Variants in MLLT3 observed in about 807,000 individuals in gnomAD.
MLLT3 encodes protein AF-9.
A neutral mutation model predicts 53.2 loss-of-function variants in MLLT3; 4 were observed. The observed-to-expected ratio is 0.08, with a 90% CI of 0.04 to 0.17. The LOEUF (loss-of-function observed/expected upper bound fraction) is 0.17. Among genes scored for constraint, MLLT3 ranks in the 10% least tolerant of loss-of-function variants. The pLI is 1.00. For missense variants in MLLT3, 569 were observed against 684.0 expected (o/e 0.83, Z 1.87); for synonymous variants, 283 against 230.6 (o/e 1.23, Z -2.06).
At chr9:20,357,667 C>G (rs555822537) in intron 8 of MLLT3, among the ~76,000 whole-genome samples, 60 of 152,286 alleles carry the variant, frequency 3.9e-4, no homozygotes, top group African/African-American at 1.3e-3. Flanking sequence ...ACGTGTGACT[C>G]TATGTTCACT....
At chr9:20,463,518 T>C (rs1484409794) in intron 2 of MLLT3, among the ~76,000 whole-genome samples, 1 of 152,180 alleles carries the variant, frequency 6.6e-6, no homozygotes, top group Admixed American at 6.5e-5. Flanking sequence ...TATTATTAAT[T>C]GCTAGGAAAT....
chr9:20,535,531 G>C (rs528412566), intron 2 of MLLT3, among the ~76,000 whole-genome samples: 1 of 152,148 alleles, frequency 6.6e-6, no homozygotes, highest in East Asian at 1.9e-4. Flanking sequence ...AAGAAAAAAG[G>C]AAATGCGCAA....
At chr9:20,378,691 G>A (rs1462215332) in intron 5 of MLLT3, among the ~76,000 whole-genome samples, 1 of 151,950 alleles carries the variant, frequency 6.6e-6, no homozygotes. Context: ...CAGTCTAAAT[G>A]TGCTATACTT....
At chr9:20,354,337 G>C (rs751391431) in intron 9 of MLLT3, among the ~76,000 whole-genome samples, 6 of 152,224 alleles carry the variant, frequency 3.9e-5, no homozygotes, top group East Asian at 1.9e-4. Flanking sequence ...TGAAAGATTT[G>C]TGAAACATTA....
chr9:20,621,353 G>C lies in MLLT3; in HGVS notation c.13-519C>G, dbSNP rs1430252720. Among the ~76,000 whole-genome samples the C allele has an allele frequency of 1.3e-5, 2 of 152,054 alleles. No individual in the cohort carries two copies. Among genetic ancestry groups the C allele is most frequent in the Non-Finnish European group, 2.9e-5 (2 of 67,988 alleles). On this transcript the variant is annotated intron_variant, in intron 1 of 10. Coordinates refer to ENST00000380338, the MANE Select transcript of MLLT3 (RefSeq NM_004529.4). The surrounding 1 kb of genome is among the most constrained non-coding windows in gnomAD (Gnocchi z 7.0). ...GTGGAGCGCTGTGCCAGGCGAAATGGAAACTACAGGCAGCCTCTGCTGATG... is the reference window on the plus strand; with the variant it reads ...GTGGAGCGCTGTGCCAGGCGAAATGCAAACTACAGGCAGCCTCTGCTGATG...
chr9:20,517,494 G>A (rs896314378), intron 2 of MLLT3, among the ~76,000 whole-genome samples: 3 of 151,852 alleles, frequency 2.0e-5, no homozygotes, highest in East Asian at 3.9e-4. Context: ...CCCAAGATAA[G>A]GGCAGTGAAA....
chr9:20,601,146 A>ACAGT (rs2308293), intron 2 of MLLT3, among the ~76,000 whole-genome samples: 130,761 of 151,790 alleles, frequency 0.86, 56,732 homozygotes, highest in African/African-American at 0.96. Context: ...CATTCTGGAA[A>ACAGT]CAAACTTCAC....
intron 2 of MLLT3, among the ~76,000 whole-genome samples, chr9:20,477,508 AACC>A (rs1824554102): frequency 6.6e-6 from 1 of 152,122 alleles, no homozygotes; most frequent in Non-Finnish European, 1.5e-5. Flanking sequence ...TGAAGCTGAC[AACC>A]TATCACCTTT....
rs746773086 is a variant in MLLT3, at chr9:20,341,814, G to C, written c.*4629C>G. 3.4e-5 allele frequency: 7 copies of C among 203,078 alleles called. No individual in the cohort carries two copies. The highest frequency in any genetic ancestry group is 5.0e-5 in the Non-Finnish European group (5 of 99,180). The allele number at this position is 203,078 out of a possible 1,614,324, so 12.6% of individuals were successfully genotyped here. A position where few individuals can be genotyped will look rare whatever the true frequency, so the allele number is the denominator to read the frequency against. On this transcript the variant is annotated 3_prime_UTR_variant, in exon 11 of 11. Coordinates refer to ENST00000380338, the MANE Select transcript of MLLT3 (RefSeq NM_004529.4). ...TCTCTGGCTATAGCACATTGTTTCT[G>C]AACAAAACCCTCCAAAGAAATAGGG...
chr9:20,406,397 T>C (rs1348116958), intron 5 of MLLT3, among the ~76,000 whole-genome samples: 1 of 152,202 alleles, frequency 6.6e-6, no homozygotes, highest in East Asian at 1.9e-4. Flanking sequence ...ACCACATACA[T>C]ATTTTTAAGC....
At chr9:20,609,032 T>TA (rs952225158) in intron 2 of MLLT3, among the ~76,000 whole-genome samples, 3 of 152,004 alleles carry the variant, frequency 2.0e-5, no homozygotes, top group African/African-American at 7.2e-5. Context: ...GATGTTAACC[T>TA]AAAAAAGATA....
intron 2 of MLLT3, among the ~76,000 whole-genome samples, chr9:20,487,185 C>G (rs1824835913): frequency 6.6e-6 from 1 of 152,070 alleles, no homozygotes; most frequent in South Asian, 2.1e-4. Context: ...GCTAGTTTAA[C>G]ATGAAAATAT....
intron 2 of MLLT3, among the ~76,000 whole-genome samples, chr9:20,505,339 A>G (rs184914651): frequency 1.1e-3 from 164 of 152,386 alleles, no homozygotes; most frequent in Admixed American, 4.3e-3. Context: ...ACAAATTTAA[A>G]TAGTAAGACT....
intron 5 of MLLT3, among the ~76,000 whole-genome samples, chr9:20,381,932 A>T (rs1821918666): frequency 6.6e-6 from 1 of 151,918 alleles, no homozygotes; most frequent in Non-Finnish European, 1.5e-5. Context: ...AGAAAATAAG[A>T]GAAATTATTT....
chr9:20,621,923 G>A lies in MLLT3; in HGVS notation c.12+322C>T, dbSNP rs943104896. On this transcript the variant is annotated intron_variant, in intron 1 of 10. Transcript: ENST00000380338. This position sits in a 1 kb window ranked among gnomAD's most constrained non-coding sequence, Gnocchi z 7.0. ...CCACCGTGTGTGTGTGTGTGTGTGA[G>A]TGCGCGCGTGTGAGCGAGAGGGAGT... 3 of 1,385,898 alleles carry A rather than the reference G, an allele frequency of 2.2e-6. No individual in the cohort carries two copies. The highest frequency in any genetic ancestry group is 2.9e-5 in the East Asian group (1 of 33,992). 85.9% of individuals were successfully genotyped at this position (1,385,898 alleles called of 1,614,324 possible).
At chr9:20,567,915 C>T (rs901205049) in intron 2 of MLLT3, among the ~76,000 whole-genome samples, 3 of 152,092 alleles carry the variant, frequency 2.0e-5, no homozygotes, top group Non-Finnish European at 4.4e-5. Flanking sequence ...ACCCTCCACC[C>T]CACTCACCAA....
At chr9:20,426,886 T>A (rs899056751) in intron 4 of MLLT3, among the ~76,000 whole-genome samples, 5 of 151,966 alleles carry the variant, frequency 3.3e-5, no homozygotes, top group African/African-American at 9.7e-5. Flanking sequence ...AAAGATGGGG[T>A]TGCCCTAAGG....
In MLLT3 at chr9:20,416,491, G is replaced by A. The variant is rs572854387; in HGVS notation, c.421-2066C>T. On this transcript the variant is annotated intron_variant, in intron 4 of 10. Transcript: ENST00000380338. ...GATATATTTTTAAAATCCTTCTTTA[G>A]AACAAACTGGAATTCTTTAATTCAG... 1.4e-4 allele frequency among the ~76,000 whole-genome samples: 22 copies of A among 152,054 alleles called. No individual in the cohort carries two copies. The South Asian group carries it at 4.6e-3, about 32-fold the overall frequency.
intron 5 of MLLT3, among the ~76,000 whole-genome samples, chr9:20,371,160 G>T (rs1821589212): frequency 6.6e-6 from 1 of 152,188 alleles, no homozygotes; most frequent in Non-Finnish European, 1.5e-5. Flanking sequence ...AAAGTTTGAT[G>T]CTAGCAGAGG....
Sources: allele counts gnomAD v4.1 joint callset (sites outside exome capture counted in the v4.1 genomes callset), GRCh38; gene constraint gnomAD v4.1.1; non-coding constraint Gnocchi (gnomAD v3.1); transcripts MANE v1.5; gene names NCBI Gene and HGNC (gene_info 2026-07-23, HGNC 2026-07-21).